The following PRKN variants were observed in gnomAD, a reference collection of about 807,000 sequenced individuals.
PRKN encodes parkin RBR E3 ubiquitin protein ligase.
Under a neutral mutation model 59.5 loss-of-function variants are expected in PRKN, and 56 were observed. That is an observed-to-expected ratio of 0.94 (90% CI 0.76 to 1.18). The LOEUF is 1.18. PRKN is among the 50% of genes most tolerant of loss of function. PRKN has a pLI of 0.00. For missense variants in PRKN, 657 were observed against 596.4 expected (o/e 1.10, Z -1.06); for synonymous variants, 250 against 222.1 (o/e 1.13, Z -1.12).
At chr6:161,881,796 C>T (rs1052355644) in intron 6 of PRKN, among the ~76,000 whole-genome samples, 1 of 152,146 alleles carries the variant, frequency 6.6e-6, no homozygotes, top group Non-Finnish European at 1.5e-5. Context: ...CAACTGAAAA[C>T]GGACAACACA....
intron 1 of PRKN, among the ~76,000 whole-genome samples, chr6:162,492,015 G>T (rs1792838218): frequency 6.6e-6 from 1 of 152,186 alleles, no homozygotes; most frequent in Non-Finnish European, 1.5e-5. Context: ...GACTGTGGCA[G>T]ACGTGTCTCG....
chr6:162,226,313 G>C (rs1027256201), intron 3 of PRKN, among the ~76,000 whole-genome samples: 4 of 152,028 alleles, frequency 2.6e-5, no homozygotes, highest in African/African-American at 9.7e-5. Context: ...AAAGGAGAGA[G>C]TGCTCCCCTC....
At chr6:161,587,322 A>G (rs1025849806) in intron 7 of PRKN, among the ~76,000 whole-genome samples, 62 of 152,362 alleles carry the variant, frequency 4.1e-4, no homozygotes, top group African/African-American at 1.3e-3. Flanking sequence ...GCTATAAAGA[A>G]GACGCAATGA....
At chr6:161,968,908 T>C (rs988436099) in intron 6 of PRKN, among the ~76,000 whole-genome samples, 17 of 152,370 alleles carry the variant, frequency 1.1e-4, no homozygotes, top group Admixed American at 7.8e-4. Flanking sequence ...ATCTGTTTTG[T>C]AGACTTTTTG....
chr6:162,014,310 T>A (rs556635011), intron 5 of PRKN, among the ~76,000 whole-genome samples: 5 of 152,178 alleles, frequency 3.3e-5, no homozygotes, highest in African/African-American at 1.2e-4. Context: ...ACAGTCAAGG[T>A]TTCAGAGCCC....
chr6:162,503,101 C>T (rs980186867), intron 1 of PRKN, among the ~76,000 whole-genome samples: 86 of 143,524 alleles, frequency 6.0e-4, no homozygotes, highest in Non-Finnish European at 1.2e-3. Context: ...TCCTCAATGG[C>T]GAATTTGGCA....
intron 2 of PRKN, among the ~76,000 whole-genome samples, chr6:162,286,813 C>A (rs1050643891): frequency 6.6e-6 from 1 of 152,126 alleles, no homozygotes; most frequent in Non-Finnish European, 1.5e-5. Flanking sequence ...AATTTCATAA[C>A]GACTCCTTGA....
At chr6:161,455,639 G>A (rs1242735346) in intron 9 of PRKN, among the ~76,000 whole-genome samples, 1 of 152,030 alleles carries the variant, frequency 6.6e-6, no homozygotes, top group Non-Finnish European at 1.5e-5. Context: ...GCTGACGCGG[G>A]CAGATCACAA....
chr6:162,469,069 C>A (rs1226243218), intron 1 of PRKN, among the ~76,000 whole-genome samples: 1 of 151,954 alleles, frequency 6.6e-6, no homozygotes, highest in East Asian at 1.9e-4. Context: ...CATAAACATT[C>A]CTTAGGGATT....
At chr6:161,611,992 A>G (rs982981590) in intron 7 of PRKN, among the ~76,000 whole-genome samples, 1 of 152,228 alleles carries the variant, frequency 6.6e-6, no homozygotes, top group Non-Finnish European at 1.5e-5. Context: ...AGATTAAACC[A>G]ATCACAATAC....
intron 6 of PRKN, among the ~76,000 whole-genome samples, chr6:161,970,942 G>A (rs1583421776): frequency 1.3e-5 from 2 of 152,130 alleles, no homozygotes; most frequent in East Asian, 1.9e-4. Context: ...CGGAGTGTCC[G>A]TGCAGGCGCT....
rs1412068607 is a variant in PRKN at position 161,546,852 on chromosome 6, C to T, written c.1083+2002G>A. Among the ~76,000 whole-genome samples, 1 of 152,068 alleles carries T rather than the reference C, an allele frequency of 6.6e-6. No individual in the cohort carries two copies. Among genetic ancestry groups the T allele is most frequent in the Non-Finnish European group, 1.5e-5 (1 of 68,022 alleles). On this transcript the variant is annotated intron_variant, in intron 9 of 11. Coordinates refer to ENST00000366898, the MANE Select transcript of PRKN (RefSeq NM_004562.3). This position sits in a 1 kb window ranked among gnomAD's most constrained non-coding sequence, Gnocchi z 4.4. The stretch of plus-strand genomic sequence containing the variant: ...AGCCAGCTGCCATCATGGGGACAAA[C>T]AGCCTAAGACAAGGGCCATGTGGTG...
At position 162,346,714 on chromosome 6, in the gene PRKN, A is replaced by G. The variant is rs1466827915; in HGVS notation, c.172-83949T>C. On this transcript the variant is annotated intron_variant, in intron 2 of 11. Transcript: ENST00000366898. ...GACTGCATGAGAAATTTTTTAAAATACTTTTTCAGCATCTACTGAGATCAT... is the reference window on the plus strand; with the variant it reads ...GACTGCATGAGAAATTTTTTAAAATGCTTTTTCAGCATCTACTGAGATCAT... Among the ~76,000 whole-genome samples the G allele has an allele frequency of 2.0e-5, 3 of 152,268 alleles. No individual in the cohort carries two copies. The East Asian group carries it at 5.8e-4, about 29-fold the overall frequency.
intron 7 of PRKN, among the ~76,000 whole-genome samples, chr6:161,573,227 G>A (rs1404266713): frequency 1.3e-5 from 2 of 152,130 alleles, no homozygotes; most frequent in African/African-American, 2.4e-5. Flanking sequence ...GCCCTGTTCG[G>A]ATCCCAAGCA....
intron 9 of PRKN, among the ~76,000 whole-genome samples, chr6:161,420,162 C>T (rs1788027650): frequency 6.7e-6 from 1 of 150,208 alleles, no homozygotes; most frequent in African/African-American, 2.5e-5. Context: ...TGCTTGAACC[C>T]AGGAGACAGA....
chr6:161,435,234 A>T lies in PRKN; in HGVS notation c.1084-48357T>A, dbSNP rs114425544. Among the ~76,000 whole-genome samples the T allele has an allele frequency of 2.5e-3, 380 of 152,272 alleles. 1 individual carries two copies. Among genetic ancestry groups the T allele is most frequent in the African/African-American group, 8.1e-3 (338 of 41,536 alleles). ...TTTCACTCTAAAATCATTTTGCAAG[A>T]TAATATTTTACAAGGAACCTTTTGG... is the stretch of plus-strand genomic sequence containing the variant. On this transcript the variant is annotated intron_variant, in intron 9 of 11. Transcript: ENST00000366898.
chr6:162,089,491 A>G (rs1457046116), intron 4 of PRKN, among the ~76,000 whole-genome samples: 1 of 152,226 alleles, frequency 6.6e-6, no homozygotes, highest in East Asian at 1.9e-4. Context: ...AAAGAGTGGC[A>G]TACCTTAAAA....
Position 161,546,125 on chromosome 6 carries a change from G to T in PRKN, c.1083+2729C>A, listed in dbSNP as rs761905950. 6.6e-6 allele frequency among the ~76,000 whole-genome samples: 1 copy of T among 152,162 alleles called. No individual in the cohort carries two copies. Among genetic ancestry groups the T allele is most frequent in the African/African-American group, 2.4e-5 (1 of 41,440 alleles). On this transcript the variant is annotated intron_variant, in intron 9 of 11. Transcript: ENST00000366898. This position sits in a 1 kb window ranked among gnomAD's most constrained non-coding sequence, Gnocchi z 4.4. ...TTCCTTGAATGTTGGGTTTTTGGGT[G>T]AGCTTTGGATAAATATTCATTAAGC...
chr6:162,475,770 G>A (rs1441759459), intron 1 of PRKN, among the ~76,000 whole-genome samples: 1 of 152,236 alleles, frequency 6.6e-6, no homozygotes, highest in African/African-American at 2.4e-5. Context: ...TGTATTTTGA[G>A]ACGGAGTCTC....
Sources: gnomAD v4.1 joint callset for allele counts (sites outside exome capture counted in the v4.1 genomes callset) on GRCh38, gnomAD v4.1.1 for gene constraint, Gnocchi (gnomAD v3.1) non-coding constraint, MANE v1.5 for transcripts, NCBI Gene and HGNC (gene_info 2026-07-23, HGNC 2026-07-21) for gene names.